Variants in CCNE2 observed in about 807,000 individuals in gnomAD.
CCNE2 encodes the protein G1/S-specific cyclin-E2.
CCNE2 carries 18 observed loss-of-function variants against 56.8 expected under a neutral mutation model. The ratio of observed to expected loss-of-function variants is 0.32; its 90% CI spans 0.22 to 0.47. The LOEUF (loss-of-function observed/expected upper bound fraction) is 0.47, where lower values mean the gene tolerates loss of function less well. Among genes scored for constraint, CCNE2 ranks in the 20% least tolerant of loss-of-function variants. The probability of loss-of-function intolerance (pLI) is 1.00; values close to 1 mark genes in which losing one functional copy is unlikely to be tolerated. For synonymous variants in CCNE2, 139 were observed against 149.2 expected, an observed-to-expected ratio of 0.93 and a Z score of 0.50; for missense variants, 371 against 467.1, an observed-to-expected ratio of 0.79 and a Z score of 1.90.
chr8:94,883,974 T>C (rs1816932447), intron 9 of CCNE2: 1 of 451,642 alleles, frequency 2.2e-6, no homozygotes, highest in Non-Finnish European at 4.5e-6. Context: ...AAGTCCACAT[T>C]GTTTATCGGC....
Position 94,881,561 on chromosome 8 carries a change from CTT to C in CCNE2, c.*69_*70del. The C allele has an allele frequency of 6.7e-7, 1 of 1,494,218 alleles. No homozygotes were observed. Among genetic ancestry groups the C allele is most frequent in the Non-Finnish European group, 9.2e-7 (1 of 1,090,244 alleles). 92.6% of individuals were successfully genotyped at this position (1,494,218 alleles called of 1,614,324 possible). ...AATCACAGCACTACTTTCTGTAAAACTTTAGTAGTTCAGTGATACCAGTTCTA... is the reference window on the plus strand; with the variant it reads ...AATCACAGCACTACTTTCTGTAAAACTAGTAGTTCAGTGATACCAGTTCTA... On this transcript the variant is annotated 3_prime_UTR_variant, in exon 12 of 12. Coordinates refer to ENST00000308108, the MANE Select transcript of CCNE2 (RefSeq NM_057749.3).
In CCNE2 at chr8:94,885,172, T is replaced by C. The variant is rs1407875809; in HGVS notation, c.726A>G (p.Thr242=). 1 of 1,613,752 alleles carries C rather than the reference T, an allele frequency of 6.2e-7. No individual in the cohort carries two copies. The highest frequency in any genetic ancestry group is 8.5e-7 in the Non-Finnish European group (1 of 1,179,792). ...GAAAGAGATTTAGCCAGGAGATGAT[T>C]GTTACAGGACAAAGTTCCCATTTTA... ...KALKWELCPV[T]IISWLNLFLQ... is the part of the protein sequence containing the mutation. The change falls in exon 9 of 12, where the codon ACA becomes ACG. Residue 242 remains threonine, a synonymous_variant. Coordinates refer to ENST00000308108, the MANE Select transcript of CCNE2 (RefSeq NM_057749.3).
At chr8:94,894,626 G>C in intron 1 of CCNE2, 1 of 195,460 alleles carries the variant, frequency 5.1e-6, no homozygotes, top group Non-Finnish European at 1.0e-5. Context: ...CCAGCGGGGA[G>C]AGGGGGTTGT....
intron 9 of CCNE2, among the ~76,000 whole-genome samples, chr8:94,883,312 T>G (rs1586545553): frequency 6.7e-6 from 1 of 148,638 alleles, no homozygotes; most frequent in African/African-American, 2.5e-5. Flanking sequence ...CTGAAGGAAG[T>G]AGACAAGGAA....
chr8:94,881,526 T>A lies in CCNE2; in HGVS notation c.*106A>T. On this transcript the variant is annotated 3_prime_UTR_variant, in exon 12 of 12. Coordinates refer to ENST00000308108, the MANE Select transcript of CCNE2 (RefSeq NM_057749.3). ...ATGGCAGTGTAACTTGTGAATTGGC[T>A]AGGGCAATCAATCACAGCACTACTT... 2.7e-6 allele frequency: 3 copies of A among 1,114,518 alleles called. No homozygotes were observed. In the South Asian group the frequency reaches 4.7e-5, roughly 17 times the overall value. 69.0% of individuals were successfully genotyped at this position (1,114,518 alleles called of 1,614,324 possible).
intron 5 of CCNE2, chr8:94,891,866 A>G (rs1168867543): frequency 2.0e-6 from 3 of 1,485,626 alleles, no homozygotes; most frequent in South Asian, 1.1e-5. Flanking sequence ...GCTGAACTTA[A>G]GAGTTTAGAT....
intron 7 of CCNE2, among the ~76,000 whole-genome samples, chr8:94,886,671 G>T (rs1472130696): frequency 6.6e-6 from 1 of 152,200 alleles, no homozygotes; most frequent in Non-Finnish European, 1.5e-5. Context: ...ACTGCATCCA[G>T]CCTGTGTGAC....
chr8:94,885,124 A>G lies in CCNE2; in HGVS notation c.774T>C (p.Asp258=), dbSNP rs1206476708. ...NLFLQVDALK[D]APKVLLPQYS... ...ACTGAGGTAGAAGAACTTTAGGAGC[A>G]TCTTTAAGAGCATCAACTTGGAGAA... The change falls in exon 9 of 12, where the codon GAT becomes GAC. Residue 258 remains aspartate (D), a synonymous_variant. Transcript: ENST00000308108. 1.9e-6 allele frequency: 3 copies of G among 1,613,268 alleles called. No individual in the cohort carries two copies. The highest frequency in any genetic ancestry group is 1.3e-5 in the African/African-American group (1 of 74,916).
rs11290412 is a variant in CCNE2, at chr8:94,893,317, CTT to C, written c.166-350_166-349del. Among the ~76,000 whole-genome samples, 309 of 139,348 alleles carry C rather than the reference CTT, an allele frequency of 2.2e-3. 2 individuals carry two copies. The highest frequency in any genetic ancestry group is 4.9e-3 in the African/African-American group (187 of 38,082). 91.4% of individuals were successfully genotyped at this position (139,348 alleles called of 152,430 possible). Reference sequence around the variant, plus strand: ...TGTATCTAGCAATAGTAGCAGGGACCTTTTTTTTTTTTTTTCAAATAAGCTCT... The same window carrying C: ...TGTATCTAGCAATAGTAGCAGGGACCTTTTTTTTTTTTTCAAATAAGCTCT... On this transcript the variant is annotated intron_variant, in intron 4 of 11. Transcript: ENST00000308108.
chr8:94,882,344 CT>C, intron 10 of CCNE2, 55 bp from the exon 11 acceptor site: 1 of 1,364,380 alleles, frequency 7.3e-7, no homozygotes, highest in Non-Finnish European at 1.0e-6. Context: ...CAGAAACTAT[CT>C]TACATATGTC....
At position 94,894,258 on chromosome 8, in the gene CCNE2, G is replaced by T; in HGVS notation, c.-26-11C>A. ...AGGTGTATAAAACCTCTGAAGGGGG[G>T]AGAGGAAAAGCCGCAGTCAAGTACA... On this transcript the variant is annotated splice_polypyrimidine_tract_variant and intron_variant, in intron 1 of 11. Coordinates refer to ENST00000308108, the MANE Select transcript of CCNE2 (RefSeq NM_057749.3). 1.2e-6 allele frequency: 2 copies of T among 1,612,458 alleles called. No homozygotes were observed. Among genetic ancestry groups the T allele is most frequent in the South Asian group, 2.2e-5 (2 of 91,006 alleles).
intron 7 of CCNE2, among the ~76,000 whole-genome samples, chr8:94,887,262 C>T (rs994780030): frequency 1.1e-4 from 17 of 152,054 alleles, no homozygotes; most frequent in African/African-American, 3.6e-4. Flanking sequence ...TCCCAGCACG[C>T]TGGGAGGCCG....
At chr8:94,895,847 C>T (rs1183975423), upstream of CCNE2, 1 of 153,888 alleles carries the variant, frequency 6.5e-6, no homozygotes, top group East Asian at 1.9e-4. Context: ...CTCCCCAGTC[C>T]CGGTCCGCGA....
chr8:94,880,782 A>G lies in CCNE2; in HGVS notation c.*850T>C. On this transcript the variant is annotated 3_prime_UTR_variant, in exon 12 of 12. Coordinates refer to ENST00000308108, the MANE Select transcript of CCNE2 (RefSeq NM_057749.3). ...ACTAAATTAAAAAAAAAAATTCCTT[A>G]GGGATATCTTAGAGTAGTAAAGTGA... The G allele has an allele frequency of 2.5e-6, 1 of 398,356 alleles. No individual in the cohort carries two copies. The highest frequency in any genetic ancestry group is 2.1e-5 in the African/African-American group (1 of 48,744). The allele number at this position is 398,356 out of a possible 1,614,324, so 24.7% of individuals were successfully genotyped here.
In CCNE2 at chr8:94,888,219, G is replaced by T. The variant is rs1817104470; in HGVS notation, c.454-146C>A. The T allele has an allele frequency of 1.1e-5, 6 of 522,054 alleles. No homozygotes were observed. The South Asian group carries it at 1.8e-4, about 16-fold the overall frequency. The allele number at this position is 522,054 out of a possible 1,614,324, so 32.3% of individuals were successfully genotyped here. A position where few individuals can be genotyped will look rare whatever the true frequency, so the allele number is the denominator to read the frequency against. ...GGAAAGGAAAAAAAGAAACTAAGATGTACTATTAGGATAAACAAATCTATT... is the reference window on the plus strand; with the variant it reads ...GGAAAGGAAAAAAAGAAACTAAGATTTACTATTAGGATAAACAAATCTATT... On this transcript the variant is annotated intron_variant, in intron 6 of 11. Coordinates refer to ENST00000308108, the MANE Select transcript of CCNE2 (RefSeq NM_057749.3).
chr8:94,894,506 G>C (rs1419644479), intron 1 of CCNE2: 1 of 452,264 alleles, frequency 2.2e-6, no homozygotes, highest in Non-Finnish European at 4.0e-6. Context: ...CCTTGAACGC[G>C]CAGGGAGGCA....
chr8:94,884,887 TTTC>T (rs1301190126), intron 9 of CCNE2, 177 bp downstream of exon 9: 2 of 514,298 alleles, frequency 3.9e-6, no homozygotes, highest in East Asian at 3.1e-5. Context: ...GGACTTTGTT[TTTC>T]TAGAAATATT....
At chr8:94,883,798 A>T (rs1816924431) in intron 9 of CCNE2, 1 of 410,050 alleles carries the variant, frequency 2.4e-6, no homozygotes, top group African/African-American at 2.0e-5. Flanking sequence ...AACTAGTAGC[A>T]GTGGAATGGT....
chr8:94,884,043 G>A (rs28399580), intron 9 of CCNE2: 15,728 of 308,460 alleles, frequency 0.051, 541 homozygotes, highest in Middle Eastern at 0.059. Context: ...AATTTGGGAT[G>A]CTAGGAATTC....
Sources: gnomAD v4.1 joint callset for allele counts (sites outside exome capture counted in the v4.1 genomes callset) on GRCh38, gnomAD v4.1.1 for gene constraint, MANE v1.5 for transcripts, NCBI Gene and HGNC (gene_info 2026-07-23, HGNC 2026-07-21) for gene names.